The following IPMK variants were observed in gnomAD, a reference collection of about 807,000 sequenced individuals.
The protein encoded by IPMK is inositol 1,3,4,6-tetrakisphosphate 5-kinase.
A neutral mutation model predicts 45.8 loss-of-function variants in IPMK; 17 were observed. That is an observed-to-expected ratio of 0.37 (90% confidence interval 0.25 to 0.56). The LOEUF is 0.56. IPMK is among the 20% of genes least tolerant of loss of function. The pLI is 0.79. For missense variants in IPMK, 399 were observed against 498.0 expected, an observed-to-expected ratio of 0.80 and a Z score of 1.89; for synonymous variants, 180 against 184.3, an observed-to-expected ratio of 0.98 and a Z score of 0.19.
chr10:58,219,201 A>AT (rs898124659), intron 3 of IPMK, among the ~76,000 whole-genome samples: 2 of 152,110 alleles, frequency 1.3e-5, no homozygotes, highest in East Asian at 1.9e-4. Context: ...CTAATCTTAC[A>AT]TTTTTTTAAG....
intron 4 of IPMK, among the ~76,000 whole-genome samples, chr10:58,204,064 T>TA (rs112226583): frequency 4.6e-5 from 7 of 151,830 alleles, no homozygotes; most frequent in Admixed American, 6.6e-5. Context: ...CACTGTTTTT[T>TA]AAAAAAACAT....
At chr10:58,249,931 T>C (rs573988705) in intron 1 of IPMK, among the ~76,000 whole-genome samples, 23 of 152,338 alleles carry the variant, frequency 1.5e-4, no homozygotes, top group African/African-American at 5.1e-4. Context: ...ACCCCACTTA[T>C]TGAAGACACC....
intron 2 of IPMK, among the ~76,000 whole-genome samples, chr10:58,235,664 G>A (rs953883362): frequency 6.6e-6 from 1 of 152,152 alleles, no homozygotes; most frequent in Non-Finnish European, 1.5e-5. Flanking sequence ...GCCTGTCAGG[G>A]GCTGCGGGGC....
intron 4 of IPMK, chr10:58,212,678 G>A (rs868594275): frequency 4.0e-6 from 1 of 250,308 alleles, no homozygotes; most frequent in Middle Eastern, 4.8e-4. Context: ...CAGCAAGGAT[G>A]TGCAGCCTCT....
At chr10:58,263,259 C>A (rs1839100999) in intron 1 of IPMK, among the ~76,000 whole-genome samples, 1 of 151,828 alleles carries the variant, frequency 6.6e-6, no homozygotes, top group Non-Finnish European at 1.5e-5. Flanking sequence ...AGCAGTGGTT[C>A]ATGCCTGTAA....
chr10:58,201,784 T>C (rs1838001595), intron 4 of IPMK, among the ~76,000 whole-genome samples: 1 of 152,182 alleles, frequency 6.6e-6, no homozygotes, highest in Non-Finnish European at 1.5e-5. Context: ...AGCCAAGCTA[T>C]GAATGCAAAG....
chr10:58,212,317 C>G (rs1838177673), intron 4 of IPMK, among the ~76,000 whole-genome samples: 1 of 152,128 alleles, frequency 6.6e-6, no homozygotes, highest in Non-Finnish European at 1.5e-5. Flanking sequence ...AAAAGGTATT[C>G]TATCAAATGA....
intron 4 of IPMK, chr10:58,212,497 T>G (rs999190858): frequency 1.4e-4 from 26 of 189,548 alleles, no homozygotes; most frequent in African/African-American, 6.2e-4. Context: ...CCAGTTATGA[T>G]GACAGGTGAT....
chr10:58,231,695 A>G (rs1838524158), intron 2 of IPMK, among the ~76,000 whole-genome samples: 2 of 152,348 alleles, frequency 1.3e-5, no homozygotes, highest in Admixed American at 1.3e-4. Flanking sequence ...CATGGAAAGA[A>G]ACAACCAGTA....
intron 1 of IPMK, among the ~76,000 whole-genome samples, chr10:58,245,213 A>G (rs1838778919): frequency 6.6e-6 from 1 of 150,616 alleles, no homozygotes; most frequent in Non-Finnish European, 1.5e-5. Flanking sequence ...CACTTATAGG[A>G]GATATTTAAA....
At chr10:58,212,878 G>A in intron 4 of IPMK, 1 of 234,084 alleles carries the variant, frequency 4.3e-6, no homozygotes, top group Non-Finnish European at 9.4e-6. Flanking sequence ...TTCAGCAGAG[G>A]CATTTCCGCC....
At chr10:58,237,486 T>C (rs957051999) in intron 2 of IPMK, among the ~76,000 whole-genome samples, 2 of 152,192 alleles carry the variant, frequency 1.3e-5, no homozygotes, top group Admixed American at 1.3e-4. Flanking sequence ...TAATTTTAAT[T>C]TCCTTAACCT....
At chr10:58,240,787 T>C (rs1838685570) in intron 1 of IPMK, among the ~76,000 whole-genome samples, 1 of 152,008 alleles carries the variant, frequency 6.6e-6, no homozygotes, top group South Asian at 2.1e-4. Flanking sequence ...TGGCAAAGTG[T>C]AGATTCCAGT....
At chr10:58,234,323 T>C (rs2132163337) in intron 2 of IPMK, among the ~76,000 whole-genome samples, 1 of 152,192 alleles carries the variant, frequency 6.6e-6, no homozygotes, top group Non-Finnish European at 1.5e-5. Flanking sequence ...ACTTTAAAGA[T>C]CATATGGAAC....
chr10:58,250,535 C>T (rs1838866324), intron 1 of IPMK, among the ~76,000 whole-genome samples: 1 of 152,146 alleles, frequency 6.6e-6, no homozygotes, highest in African/African-American at 2.4e-5. Flanking sequence ...TTGTATCTTG[C>T]AGCCTTGCTG....
chr10:58,237,115 G>C (rs569053820), intron 2 of IPMK, among the ~76,000 whole-genome samples: 2 of 152,028 alleles, frequency 1.3e-5, no homozygotes, highest in African/African-American at 2.4e-5. Flanking sequence ...GCTATGTATC[G>C]TCCCTTTCCC....
chr10:58,255,647 CT>C (rs550508660), intron 1 of IPMK, among the ~76,000 whole-genome samples: 8 of 148,834 alleles, frequency 5.4e-5, no homozygotes, highest in South Asian at 2.1e-4. Flanking sequence ...ATTTATATTT[CT>C]TTTTTTTTTC....
chr10:58,265,543 T>A (rs1302386812), intron 1 of IPMK, among the ~76,000 whole-genome samples: 2 of 152,166 alleles, frequency 1.3e-5, no homozygotes, highest in Admixed American at 6.5e-5. Context: ...AACAATACAG[T>A]CAGGATTGTA....
chr10:58,235,065 AATGCTC>A (rs1397570647), intron 2 of IPMK, among the ~76,000 whole-genome samples: 1 of 152,256 alleles, frequency 6.6e-6, no homozygotes, highest in African/African-American at 2.4e-5. Context: ...CACATGAAAA[AATGCTC>A]ATCAGCACTG....
Sources: gnomAD v4.1 joint callset for allele counts (sites outside exome capture counted in the v4.1 genomes callset) on GRCh38, gnomAD v4.1.1 for gene constraint, MANE v1.5 for transcripts, NCBI Gene and HGNC (gene_info 2026-07-23, HGNC 2026-07-21) for gene names.